Variants in CDH11 observed in about 807,000 individuals in gnomAD.
CDH11 encodes cadherin 11.
CDH11 carries 11 observed loss-of-function variants against 67.8 expected under a neutral mutation model. That is an observed-to-expected ratio of 0.16 (90% CI 0.10 to 0.27). CDH11 has a LOEUF of 0.27. Ranked by LOEUF, CDH11 falls within the 10% of genes least tolerant of loss-of-function variation. CDH11 has a pLI of 1.00. For missense variants in CDH11, 847 were observed against 1,031.2 expected (o/e 0.82, Z 2.45); for synonymous variants, 419 against 400.0 (o/e 1.05, Z -0.57).
At chr16:65,107,331 CTG>C (rs2075081680) in intron 1 of CDH11, among the ~76,000 whole-genome samples, 2 of 152,162 alleles carry the variant, frequency 1.3e-5, no homozygotes, top group African/African-American at 4.8e-5. Context: ...TGAAGATTGA[CTG>C]AGATAATTCA....
At chr16:64,972,668 G>A (rs1345211323) in intron 9 of CDH11, among the ~76,000 whole-genome samples, 2 of 152,152 alleles carry the variant, frequency 1.3e-5, no homozygotes, top group East Asian at 3.9e-4. Flanking sequence ...TCAAACTCCT[G>A]AGGGCTACTG....
intron 11 of CDH11, among the ~76,000 whole-genome samples, chr16:64,965,642 A>C (rs73575956): frequency 6.6e-6 from 1 of 152,314 alleles, no homozygotes; most frequent in African/African-American, 2.4e-5. Context: ...ACACTCTAAA[A>C]TAATGTTTAA....
chr16:65,008,263 C>T (rs1473182853), intron 2 of CDH11, among the ~76,000 whole-genome samples: 1 of 152,158 alleles, frequency 6.6e-6, no homozygotes, highest in Non-Finnish European at 1.5e-5. Context: ...TAAACAATAA[C>T]ATTCAATCTG....
chr16:65,095,909 CTA>C (rs2074882174), intron 1 of CDH11, among the ~76,000 whole-genome samples: 1 of 152,198 alleles, frequency 6.6e-6, no homozygotes, highest in African/African-American at 2.4e-5. Context: ...GCCTCTTCCA[CTA>C]TTTGAGAAGG....
At chr16:65,043,351 T>C (rs750467401) in intron 2 of CDH11, among the ~76,000 whole-genome samples, 39 of 151,392 alleles carry the variant, frequency 2.6e-4, no homozygotes, top group Non-Finnish European at 4.7e-4. Flanking sequence ...ATGGGGATGT[T>C]TACTAGGGGG....
chr16:64,946,034 G>A lies in CDH11; in HGVS notation c.*1569C>T. 2 of 1,058,910 alleles carry A rather than the reference G, an allele frequency of 1.9e-6. No homozygotes were observed. Among genetic ancestry groups the A allele is most frequent in the Non-Finnish European group, 2.3e-6 (2 of 875,306 alleles). 65.6% of individuals were successfully genotyped at this position (1,058,910 alleles called of 1,614,324 possible). ...AGTTTCAATCCCCAAGAAACTAGCT[G>A]GAATGCAGGGGACTGTAGACACACT... On this transcript the variant is annotated 3_prime_UTR_variant, in exon 13 of 13. Transcript: ENST00000268603.
chr16:65,016,580 G>T (rs2073315554), intron 2 of CDH11, among the ~76,000 whole-genome samples: 1 of 152,044 alleles, frequency 6.6e-6, no homozygotes, highest in Non-Finnish European at 1.5e-5. Flanking sequence ...AATATCTATT[G>T]CTCCAAATGC....
At chr16:64,967,258 C>A (rs2071861869) in intron 11 of CDH11, among the ~76,000 whole-genome samples, 1 of 152,094 alleles carries the variant, frequency 6.6e-6, no homozygotes, top group Non-Finnish European at 1.5e-5. Context: ...CAGACTGTTG[C>A]CCAGGCTGGA....
intron 12 of CDH11, among the ~76,000 whole-genome samples, chr16:64,950,087 G>T (rs564827219): frequency 6.6e-6 from 1 of 152,264 alleles, no homozygotes; most frequent in South Asian, 2.1e-4. Context: ...GGGATAAAAT[G>T]ATCTTCCTGA....
intron 11 of CDH11, among the ~76,000 whole-genome samples, chr16:64,969,484 A>G (rs544125178): frequency 2.6e-4 from 40 of 152,326 alleles, no homozygotes; most frequent in African/African-American, 9.1e-4. Context: ...GCTAATAGTC[A>G]TATGAGAACA....
At chr16:65,095,469 G>C (rs2074873459) in intron 1 of CDH11, among the ~76,000 whole-genome samples, 1 of 152,154 alleles carries the variant, frequency 6.6e-6, no homozygotes, top group Admixed American at 6.5e-5. Flanking sequence ...ATAGTCTGCA[G>C]TTATACAATT....
intron 12 of CDH11, chr16:64,948,911 G>A: frequency 1.5e-6 from 1 of 686,362 alleles, no homozygotes. Context: ...CATACACCCA[G>A]CAAGGCTGAA....
intron 4 of CDH11, among the ~76,000 whole-genome samples, chr16:64,996,849 T>C (rs2072780310): frequency 6.6e-6 from 1 of 152,054 alleles, no homozygotes; most frequent in Non-Finnish European, 1.5e-5. Flanking sequence ...AACCCAATGT[T>C]TACCCAGTGG....
intron 4 of CDH11, among the ~76,000 whole-genome samples, chr16:64,996,947 G>T (rs2142506522): frequency 6.6e-6 from 1 of 152,192 alleles, no homozygotes; most frequent in East Asian, 1.9e-4. Flanking sequence ...GAGTGATGGG[G>T]TCATTCATAC....
rs146188484 is a variant in CDH11 at position 65,109,098 on chromosome 16, G to A, written c.-298+12782C>T. On this transcript the variant is annotated intron_variant, in intron 1 of 12. Transcript: ENST00000268603. ...GGAGGCAGAGGTTGTAGTGAGCTGA[G>A]ACAGCGCCACTCTACTCCAGCCTGG... Among the ~76,000 whole-genome samples the A allele has an allele frequency of 2.8e-4, 42 of 152,186 alleles. 1 individual carries two copies. The East Asian group carries it at 6.6e-3, about 24-fold the overall frequency.
chr16:64,978,260 G>A (rs1386681930), intron 8 of CDH11, among the ~76,000 whole-genome samples: 1 of 151,982 alleles, frequency 6.6e-6, no homozygotes, highest in African/African-American at 2.4e-5. Context: ...GTTAGACATC[G>A]AATTTGGGCC....
At chr16:64,977,177 G>T (rs902277542) in intron 8 of CDH11, among the ~76,000 whole-genome samples, 2 of 152,166 alleles carry the variant, frequency 1.3e-5, no homozygotes, top group East Asian at 3.9e-4. Context: ...TCCAGGCTGG[G>T]TGACAGAGTG....
intron 11 of CDH11, among the ~76,000 whole-genome samples, chr16:64,960,534 A>G (rs1012693435): frequency 6.6e-6 from 1 of 152,092 alleles, no homozygotes; most frequent in African/African-American, 2.4e-5. Context: ...AAGGCAGCCC[A>G]AATGTTCTGA....
intron 1 of CDH11, among the ~76,000 whole-genome samples, chr16:65,096,415 G>GTA (rs1173773155): frequency 1.5e-3 from 205 of 138,836 alleles, no homozygotes; most frequent in African/African-American, 5.3e-3. Flanking sequence ...GGGTGTGTGT[G>GTA]TGTGTGTGTG....
Sources: allele counts gnomAD v4.1 joint callset (sites outside exome capture counted in the v4.1 genomes callset), GRCh38; gene constraint gnomAD v4.1.1; transcripts MANE v1.5; gene names NCBI Gene and HGNC (gene_info 2026-07-23, HGNC 2026-07-21).